Variants in DYNC1I1 observed in about 807,000 individuals in gnomAD.
DYNC1I1 encodes dynein cytoplasmic 1 intermediate chain 1.
Under a neutral mutation model 86.6 loss-of-function variants are expected in DYNC1I1, and 43 were observed. That is an observed-to-expected ratio of 0.50 (90% CI 0.39 to 0.64). The LOEUF (loss-of-function observed/expected upper bound fraction) is 0.64, where lower values mean the gene tolerates loss of function less well. Among genes scored for constraint, DYNC1I1 ranks in the 30% least tolerant of loss-of-function variants. The pLI, the probability that DYNC1I1 is intolerant of heterozygous loss-of-function variation, is 0.00. For synonymous variants in DYNC1I1, 262 were observed against 283.7 expected, an observed-to-expected ratio of 0.92 and a Z score of 0.77; for missense variants, 604 against 788.8, an observed-to-expected ratio of 0.77 and a Z score of 2.81.
At chr7:96,099,108 A>C (rs1450150214), downstream of DYNC1I1, among the ~76,000 whole-genome samples, 1 of 152,228 alleles carries the variant, frequency 6.6e-6, no homozygotes, top group Non-Finnish European at 1.5e-5. Context: ...CTGGGAAAAA[A>C]AGTTTCACAG....
intron 5 of DYNC1I1, among the ~76,000 whole-genome samples, chr7:95,853,535 A>G (rs536807347): frequency 3.3e-4 from 50 of 152,344 alleles, no homozygotes; most frequent in African/African-American, 1.2e-3. Flanking sequence ...AGCACAAAAT[A>G]AAGTAAGACA....
intron 6 of DYNC1I1, among the ~76,000 whole-genome samples, chr7:95,880,508 A>T (rs1785851801): frequency 6.6e-6 from 1 of 152,130 alleles, no homozygotes; most frequent in African/African-American, 2.4e-5. Flanking sequence ...GCCATGAGTC[A>T]TACTCAAGTC....
At chr7:96,079,168 G>A (rs570225885) in intron 15 of DYNC1I1, among the ~76,000 whole-genome samples, 1 of 151,958 alleles carries the variant, frequency 6.6e-6, no homozygotes, top group Admixed American at 6.6e-5. Flanking sequence ...ATAGGTATTG[G>A]GTCAATAATT....
intron 6 of DYNC1I1, among the ~76,000 whole-genome samples, chr7:95,870,603 A>T (rs1318559687): frequency 1.3e-5 from 2 of 152,252 alleles, no homozygotes; most frequent in Non-Finnish European, 2.9e-5. Context: ...AACACACGAG[A>T]GTTTCTGACC....
chr7:95,964,593 T>G (rs1305231475), intron 6 of DYNC1I1, among the ~76,000 whole-genome samples: 2 of 152,208 alleles, frequency 1.3e-5, no homozygotes, highest in Non-Finnish European at 2.9e-5. Flanking sequence ...CTCATTCTAG[T>G]GGGTCTAGAA....
chr7:95,858,622 A>C (rs1247518450), intron 5 of DYNC1I1, among the ~76,000 whole-genome samples: 2 of 152,080 alleles, frequency 1.3e-5, no homozygotes, highest in Non-Finnish European at 2.9e-5. Flanking sequence ...AATGTACTGC[A>C]GTATGATGTT....
At chr7:95,803,346 C>G (rs1175878243) in intron 1 of DYNC1I1, among the ~76,000 whole-genome samples, 1 of 152,156 alleles carries the variant, frequency 6.6e-6, no homozygotes, top group Non-Finnish European at 1.5e-5. Flanking sequence ...CTTTGTATCC[C>G]TATTCATTAT....
At chr7:95,946,873 G>A (rs748834629) in intron 6 of DYNC1I1, among the ~76,000 whole-genome samples, 1 of 152,118 alleles carries the variant, frequency 6.6e-6, no homozygotes, top group African/African-American at 2.4e-5. Flanking sequence ...GAGAAGAAAA[G>A]GAGTGGAGTA....
At chr7:95,976,734 A>G (rs940683769) in intron 6 of DYNC1I1, among the ~76,000 whole-genome samples, 1 of 152,148 alleles carries the variant, frequency 6.6e-6, no homozygotes, top group Admixed American at 6.5e-5. Context: ...TTCTTGTGAC[A>G]CCTTGACACT....
intron 10 of DYNC1I1, among the ~76,000 whole-genome samples, chr7:96,009,432 C>G (rs1376921719): frequency 1.3e-5 from 2 of 152,206 alleles, no homozygotes. Context: ...TGATGATGCT[C>G]TAGACCCCTG....
At chr7:95,880,972 T>TA (rs1790442316) in intron 6 of DYNC1I1, among the ~76,000 whole-genome samples, 1 of 152,210 alleles carries the variant, frequency 6.6e-6, no homozygotes, top group South Asian at 2.1e-4. Context: ...TCCATTTTTT[T>TA]ATCTTTCCCT....
chr7:95,964,552 G>A (rs551161196), intron 6 of DYNC1I1, among the ~76,000 whole-genome samples: 2 of 152,314 alleles, frequency 1.3e-5, no homozygotes, highest in South Asian at 2.1e-4. Context: ...ATATGGCAAA[G>A]AAGAGAGACA....
chr7:95,946,568 A>G (rs1229623522), intron 6 of DYNC1I1, among the ~76,000 whole-genome samples: 2 of 152,188 alleles, frequency 1.3e-5, no homozygotes, highest in Non-Finnish European at 2.9e-5. Context: ...TGTAAGCAAT[A>G]GTCACCTAGG....
rs559987307 is a variant in DYNC1I1, at chr7:96,080,707, T to A, written c.1776+219T>A. On this transcript the variant is annotated intron_variant, in intron 16 of 16. Coordinates refer to ENST00000447467, the MANE Select transcript of DYNC1I1 (RefSeq NM_001135556.2). Reference sequence around the variant, plus strand: ...CACTTAAGTTAACAATCTAAGCTCCTTTTAGAGTCCTGTAGAATGTCCCAT... The same window carrying A: ...CACTTAAGTTAACAATCTAAGCTCCATTTAGAGTCCTGTAGAATGTCCCAT... 5.3e-5 allele frequency among the ~76,000 whole-genome samples: 8 copies of A among 152,254 alleles called. No homozygotes were observed. The South Asian group carries it at 6.2e-4, about 12-fold the overall frequency.
chr7:95,838,950 A>G (rs1789196748), intron 5 of DYNC1I1, among the ~76,000 whole-genome samples: 1 of 152,172 alleles, frequency 6.6e-6, no homozygotes, highest in Non-Finnish European at 1.5e-5. Context: ...TATTTGGATG[A>G]CATGTATTTC....
rs116872984 is a variant in DYNC1I1 at position 95,865,163 on chromosome 7, T to C, written c.375-4720T>C. 2.6e-3 allele frequency among the ~76,000 whole-genome samples: 397 copies of C among 152,310 alleles called. 2 individuals carry two copies. Among genetic ancestry groups the C allele is most frequent in the Non-Finnish European group, 4.3e-3 (291 of 68,034 alleles). ...CTCTGCTCTAGGATTTCTCGAATTT[T>C]GGTTTACTCTTGGCACAATTAATCC... On this transcript the variant is annotated intron_variant, in intron 5 of 16. Coordinates refer to ENST00000447467, the MANE Select transcript of DYNC1I1 (RefSeq NM_001135556.2).
intron 10 of DYNC1I1, among the ~76,000 whole-genome samples, chr7:96,027,055 G>A (rs1361172782): frequency 6.6e-6 from 1 of 152,218 alleles, no homozygotes; most frequent in Non-Finnish European, 1.5e-5. Flanking sequence ...CTGCCCATAC[G>A]ACTGTGTTTC....
At chr7:96,047,910 G>A (rs147633793) in intron 14 of DYNC1I1, among the ~76,000 whole-genome samples, 1 of 152,316 alleles carries the variant, frequency 6.6e-6, no homozygotes, top group East Asian at 1.9e-4. Context: ...ACCAGAGGAA[G>A]ATTATTTCAA....
chr7:95,912,157 C>T (rs1456224819), intron 6 of DYNC1I1, among the ~76,000 whole-genome samples: 1 of 152,178 alleles, frequency 6.6e-6, no homozygotes. Context: ...CTTCCTCAGT[C>T]TCCTGAGTAG....
Sources: gnomAD v4.1 joint callset for allele counts (sites outside exome capture counted in the v4.1 genomes callset) on GRCh38, gnomAD v4.1.1 for gene constraint, MANE v1.5 for transcripts, NCBI Gene and HGNC (gene_info 2026-07-23, HGNC 2026-07-21) for gene names.